DUSP26: variants seen among roughly 807,000 people sequenced by gnomAD.
DUSP26 encodes the protein dual specificity protein phosphatase 26.
Under a neutral mutation model 20.0 loss-of-function variants are expected in DUSP26, and 12 were observed. The observed-to-expected ratio is 0.60, with a 90% CI of 0.38 to 0.97. The LOEUF (loss-of-function observed/expected upper bound fraction) is 0.97, where lower values mean the gene tolerates loss of function less well. Among genes scored for constraint, DUSP26 ranks in the 50% least tolerant of loss-of-function variants. DUSP26 has a pLI of 0.00. For synonymous variants in DUSP26, 120 were observed against 118.8 expected (o/e 1.01, Z -0.06); for missense variants, 230 against 294.0 (o/e 0.78, Z 1.59).
At chr8:33,594,665 G>A (rs920338973) in intron 2 of DUSP26, among the ~76,000 whole-genome samples, 2 of 151,764 alleles carry the variant, frequency 1.3e-5, no homozygotes, top group African/African-American at 4.8e-5. Flanking sequence ...GATCTGTAGG[G>A]TTCTCAAGGG....
At chr8:33,599,420 C>G (rs1407784411) in intron 1 of DUSP26, among the ~76,000 whole-genome samples, 2 of 152,186 alleles carry the variant, frequency 1.3e-5, no homozygotes, top group Non-Finnish European at 2.9e-5. Context: ...GGGCCCTGGC[C>G]CGCCGCTCCC....
chr8:33,598,431 T>C (rs1327089648), intron 1 of DUSP26, among the ~76,000 whole-genome samples: 13 of 107,214 alleles, frequency 1.2e-4, no homozygotes, highest in Non-Finnish European at 9.0e-5. Context: ...CAGAGGTGGA[T>C]GGTGGGGGAA....
intron 2 of DUSP26, among the ~76,000 whole-genome samples, chr8:33,595,967 T>G (rs1811134605): frequency 6.6e-6 from 1 of 152,040 alleles, no homozygotes; most frequent in East Asian, 1.9e-4. Flanking sequence ...TTGTGAAGAT[T>G]AAGAGAGATA....
At chr8:33,599,075 T>C (rs1811212944) in intron 1 of DUSP26, among the ~76,000 whole-genome samples, 1 of 151,738 alleles carries the variant, frequency 6.6e-6, no homozygotes, top group Non-Finnish European at 1.5e-5. Context: ...GAGTTTTCAA[T>C]GGCTGGGTCC....
intron 2 of DUSP26, among the ~76,000 whole-genome samples, chr8:33,595,910 C>G (rs1296104491): frequency 2.0e-5 from 3 of 152,200 alleles, no homozygotes; most frequent in Non-Finnish European, 4.4e-5. Flanking sequence ...GAGCTTCAGT[C>G]TCCTCATCTG....
intron 3 of DUSP26, among the ~76,000 whole-genome samples, chr8:33,592,863 C>T (rs1811054646): frequency 6.6e-6 from 1 of 152,118 alleles, no homozygotes; most frequent in Admixed American, 6.5e-5. Context: ...GCTTGTTATT[C>T]TCAACCATTG....
In DUSP26 at chr8:33,591,929, G is replaced by T; in HGVS notation, c.*84C>A. The T allele has an allele frequency of 6.5e-7, 1 of 1,530,580 alleles. No homozygotes were observed. Among genetic ancestry groups the T allele is most frequent in the South Asian group, 1.2e-5 (1 of 86,556 alleles). 94.8% of individuals were successfully genotyped at this position (1,530,580 alleles called of 1,614,324 possible). ...GGAGGATGGGTGATCTGGGCCTCCT[G>T]CTACCTGCCACCTGGGCCTCCTATC... On this transcript the variant is annotated 3_prime_UTR_variant, in exon 4 of 4. Transcript: ENST00000256261.
intron 3 of DUSP26, among the ~76,000 whole-genome samples, chr8:33,592,514 G>A (rs1270029459): frequency 8.5e-6 from 1 of 117,700 alleles, no homozygotes; most frequent in Non-Finnish European, 1.6e-5. Flanking sequence ...ACTCCACCCA[G>A]GCAACAAAAG....
chr8:33,599,492 C>T (rs973402604), intron 1 of DUSP26, among the ~76,000 whole-genome samples, 173 bp downstream of exon 1: 1 of 152,196 alleles, frequency 6.6e-6, no homozygotes, highest in Non-Finnish European at 1.5e-5. Context: ...CCTCGCCAGC[C>T]TGGCAGCCGG....
intron 2 of DUSP26, among the ~76,000 whole-genome samples, chr8:33,594,868 T>C (rs1252374832): frequency 1.3e-5 from 2 of 151,616 alleles, no homozygotes; most frequent in East Asian, 4.0e-4. Flanking sequence ...GGATTACAGG[T>C]GCCTGCCACC....
Position 33,595,380 on chromosome 8 carries a change from G to GTT in DUSP26, c.222-1635_222-1634dup, listed in dbSNP as rs534229413. Reference sequence around the variant, plus strand: ...TTTTTTGTTGTTGTTGTTGTTGTTTGTTTTTTTTTTTGAGATGGTGTCTTG... The same window carrying GTT: ...TTTTTTGTTGTTGTTGTTGTTGTTTGTTTTTTTTTTTTTGAGATGGTGTCTTG... On this transcript the variant is annotated intron_variant, in intron 2 of 3. Transcript: ENST00000256261. Among the ~76,000 whole-genome samples, 7 of 143,554 alleles carry GTT rather than the reference G, an allele frequency of 4.9e-5. No homozygotes were observed. The East Asian group carries it at 1.2e-3, about 25-fold the overall frequency. 94.2% of individuals were successfully genotyped at this position (143,554 alleles called of 152,430 possible). A position where few individuals can be genotyped will look rare whatever the true frequency, so the allele number is the denominator to read the frequency against.
At chr8:33,594,584 T>A (rs1325252935) in intron 2 of DUSP26, among the ~76,000 whole-genome samples, 5 of 151,288 alleles carry the variant, frequency 3.3e-5, no homozygotes, top group African/African-American at 1.2e-4. Flanking sequence ...AGAGCAAGAC[T>A]CCATCTCAAA....
At chr8:33,596,146 T>G (rs1242260394) in intron 2 of DUSP26, among the ~76,000 whole-genome samples, 2 of 152,108 alleles carry the variant, frequency 1.3e-5, no homozygotes, top group African/African-American at 4.8e-5. Context: ...CAGCTGTGTG[T>G]GGTGATGGGC....
chr8:33,599,014 A>G (rs1270611685), intron 1 of DUSP26, among the ~76,000 whole-genome samples: 1 of 152,210 alleles, frequency 6.6e-6, no homozygotes, highest in East Asian at 1.9e-4. Context: ...CAGGGGTTTT[A>G]GGACCAGGAT....
intron 3 of DUSP26, among the ~76,000 whole-genome samples, chr8:33,592,538 CAAAA>C (rs745687703): frequency 2.1e-4 from 5 of 23,764 alleles, no homozygotes; most frequent in Admixed American, 1.4e-3. Flanking sequence ...AACCCCATCT[CAAAA>C]AAAAAAAAAA....
chr8:33,593,969 G>T (rs1218470697), intron 2 of DUSP26, among the ~76,000 whole-genome samples: 1 of 152,064 alleles, frequency 6.6e-6, no homozygotes, highest in East Asian at 1.9e-4. Flanking sequence ...ACAGGCACAT[G>T]CCACTATACC....
chr8:33,597,882 T>TACACACACACACACAC (rs150976098), intron 1 of DUSP26: 3,015 of 152,870 alleles, frequency 0.02, 74 homozygotes, highest in Middle Eastern at 0.029. Context: ...CCAGCACGCA[T>TACACACACACACACAC]ACACACACAC....
chr8:33,598,995 CATT>C (rs1811211475), intron 1 of DUSP26, among the ~76,000 whole-genome samples: 1 of 152,210 alleles, frequency 6.6e-6, no homozygotes, highest in African/African-American at 2.4e-5. Flanking sequence ...ACTTACAAGG[CATT>C]AGAAGCAGGG....
chr8:33,599,576 C>T (rs926369978), intron 1 of DUSP26, 89 bp downstream of exon 1: 1 of 152,042 alleles, frequency 6.6e-6, no homozygotes, highest in Admixed American at 6.5e-5. Context: ...CTTCCCGGTC[C>T]CCTCCCTCCC....
Sources: allele counts gnomAD v4.1 joint callset (sites outside exome capture counted in the v4.1 genomes callset), GRCh38; gene constraint gnomAD v4.1.1; transcripts MANE v1.5; gene names NCBI Gene and HGNC (gene_info 2026-07-23, HGNC 2026-07-21).